The following OSBPL6 variants were observed in gnomAD, a reference collection of about 807,000 sequenced individuals.
OSBPL6 encodes oxysterol-binding protein-related protein 6.
Under a neutral mutation model 125.8 loss-of-function variants are expected in OSBPL6, and 49 were observed. The ratio of observed to expected loss-of-function variants is 0.39; its 90% CI spans 0.31 to 0.49. The LOEUF is 0.49. OSBPL6 is among the 20% of genes least tolerant of loss of function. The pLI is 0.88. For synonymous variants in OSBPL6, 394 were observed against 391.8 expected (o/e 1.01, Z -0.07); for missense variants, 986 against 1,135.4 (o/e 0.87, Z 1.89).
intron 2 of OSBPL6, among the ~76,000 whole-genome samples, chr2:178,290,512 A>G (rs1268399977): frequency 6.7e-6 from 1 of 148,526 alleles, no homozygotes; most frequent in Non-Finnish European, 1.5e-5. Context: ...GTGTATACGT[A>G]TAGAAAAGAG....
intron 2 of OSBPL6, among the ~76,000 whole-genome samples, chr2:178,300,240 G>A (rs1203813509): frequency 1.3e-5 from 2 of 152,182 alleles, no homozygotes; most frequent in African/African-American, 4.8e-5. Flanking sequence ...TAGAAAAAGT[G>A]GCAGCGTTCC....
rs754634742 is a variant in OSBPL6 at position 178,339,770 on chromosome 2, G to A, written c.987+6G>A. On this transcript the variant is annotated splice_donor_region_variant and intron_variant, in intron 11 of 24. Transcript: ENST00000190611. ...ATACAAAAATACAACTGCAGGTACA[G>A]ATTTTACTTTTCCTTCATTCACGTT... is the stretch of plus-strand genomic sequence containing the variant. 3 of 1,588,146 alleles carry A rather than the reference G, an allele frequency of 1.9e-6. No homozygotes were observed. The Admixed American group carries it at 5.3e-5, about 28-fold the overall frequency.
intron 1 of OSBPL6, among the ~76,000 whole-genome samples, chr2:178,236,671 A>G (rs2091064878): frequency 6.6e-6 from 1 of 152,226 alleles, no homozygotes; most frequent in Non-Finnish European, 1.5e-5. Flanking sequence ...GCTGGTAGGA[A>G]TGTATGATAT....
chr2:178,324,434 C>T (rs1688520818), intron 4 of OSBPL6, among the ~76,000 whole-genome samples, 165 bp downstream of exon 4: 2 of 152,164 alleles, frequency 1.3e-5, no homozygotes, highest in African/African-American at 2.4e-5. Context: ...TTTCTCTGCC[C>T]TTTATAAGAG....
chr2:178,274,687 A>G (rs2092435151), intron 1 of OSBPL6, among the ~76,000 whole-genome samples: 1 of 152,218 alleles, frequency 6.6e-6, no homozygotes, highest in Non-Finnish European at 1.5e-5. Context: ...ATGTCTACAT[A>G]TTTATAACTA....
chr2:178,235,388 C>CT (rs1447449607), intron 1 of OSBPL6, among the ~76,000 whole-genome samples: 8 of 91,220 alleles, frequency 8.8e-5, no homozygotes, highest in Admixed American at 1.3e-4. Flanking sequence ...TTTCCTTTTT[C>CT]TTTTCTTTTC....
intron 1 of OSBPL6, among the ~76,000 whole-genome samples, chr2:178,246,807 C>T (rs986088839): frequency 6.6e-6 from 1 of 152,168 alleles, no homozygotes. Context: ...TCTAGAGTTA[C>T]CTTCCTCTCA....
intron 12 of OSBPL6, among the ~76,000 whole-genome samples, chr2:178,357,135 C>T (rs918294892): frequency 6.6e-6 from 1 of 152,162 alleles, no homozygotes; most frequent in Non-Finnish European, 1.5e-5. Flanking sequence ...TGTAAAAACT[C>T]TAGAAGAAAA....
chr2:178,391,270 G>A, intron 22 of OSBPL6, 53 bp downstream of exon 22: 2 of 1,505,586 alleles, frequency 1.3e-6, no homozygotes, highest in Admixed American at 2.4e-5. Context: ...GACAACAGAA[G>A]GGAAGAGAAC....
intron 1 of OSBPL6, among the ~76,000 whole-genome samples, chr2:178,231,952 G>A (rs1021075797): frequency 1.1e-4 from 17 of 152,008 alleles, no homozygotes; most frequent in African/African-American, 4.1e-4. Context: ...CTTAAACACG[G>A]TTAATTCTTG....
chr2:178,209,523 A>G (rs1245904750), intron 1 of OSBPL6, among the ~76,000 whole-genome samples: 2 of 135,854 alleles, frequency 1.5e-5, no homozygotes, highest in Non-Finnish European at 3.1e-5. Context: ...GGTTATTGAC[A>G]TTTTCTGCTC....
intron 15 of OSBPL6, among the ~76,000 whole-genome samples, chr2:178,375,189 G>T (rs1693747891): frequency 6.6e-6 from 1 of 152,144 alleles, no homozygotes; most frequent in Admixed American, 6.5e-5. Context: ...ATGAGCAAGG[G>T]ACATGAGTAA....
At chr2:178,212,549 G>A (rs1444225076) in intron 1 of OSBPL6, among the ~76,000 whole-genome samples, 1 of 152,180 alleles carries the variant, frequency 6.6e-6, no homozygotes, top group African/African-American at 2.4e-5. Flanking sequence ...TTAAGAAGAA[G>A]TGACTTCAGA....
chr2:178,312,263 G>A (rs1687349829), intron 3 of OSBPL6, among the ~76,000 whole-genome samples: 1 of 150,386 alleles, frequency 6.6e-6, no homozygotes, highest in Non-Finnish European at 1.5e-5. Flanking sequence ...CCGGGTTCAA[G>A]TGATTCTCCT....
At chr2:178,312,412 C>T (rs987448055) in intron 3 of OSBPL6, among the ~76,000 whole-genome samples, 1 of 151,388 alleles carries the variant, frequency 6.6e-6, no homozygotes, top group African/African-American at 2.4e-5. Flanking sequence ...CCTGCCTCGG[C>T]CTCCCAAAGT....
At chr2:178,386,157 A>G (rs1189711407) in intron 19 of OSBPL6, among the ~76,000 whole-genome samples, 1 of 152,236 alleles carries the variant, frequency 6.6e-6, no homozygotes, top group Non-Finnish European at 1.5e-5. Context: ...ACTTCTCATG[A>G]GCATTTTCTT....
intron 1 of OSBPL6, among the ~76,000 whole-genome samples, chr2:178,256,829 C>CTA (rs2154008690): frequency 6.6e-6 from 1 of 152,172 alleles, no homozygotes; most frequent in East Asian, 1.9e-4. Context: ...TTTGAGCCAG[C>CTA]TACAGCACAC....
At chr2:178,368,633 A>G (rs1202166524) in intron 13 of OSBPL6, among the ~76,000 whole-genome samples, 2 of 152,116 alleles carry the variant, frequency 1.3e-5, no homozygotes, top group Non-Finnish European at 2.9e-5. Context: ...AGGAAAGTGT[A>G]ATTCTTTACC....
intron 17 of OSBPL6, among the ~76,000 whole-genome samples, chr2:178,383,694 G>A (rs999492448): frequency 1.3e-5 from 2 of 152,104 alleles, no homozygotes; most frequent in Non-Finnish European, 2.9e-5. Flanking sequence ...AAAAGCACCC[G>A]CAACCACAAT....
Sources: gnomAD v4.1 joint callset for allele counts (sites outside exome capture counted in the v4.1 genomes callset) on GRCh38, gnomAD v4.1.1 for gene constraint, MANE v1.5 for transcripts, NCBI Gene and HGNC (gene_info 2026-07-23, HGNC 2026-07-21) for gene names.